The following WNT5B variants were observed in gnomAD, a reference collection of about 807,000 sequenced individuals.
WNT5B encodes protein Wnt-5b.
In WNT5B, 18 loss-of-function variants were observed where a neutral mutation model predicts 36.5. The ratio of observed to expected loss-of-function variants is 0.49; its 90% CI spans 0.34 to 0.73. The LOEUF (loss-of-function observed/expected upper bound fraction) is 0.73. WNT5B is among the 30% of genes least tolerant of loss of function. The probability of loss-of-function intolerance (pLI) is 0.01; values close to 1 mark genes in which losing one functional copy is unlikely to be tolerated. For missense variants in WNT5B, 424 were observed against 508.4 expected, an observed-to-expected ratio of 0.83 and a Z score of 1.60; for synonymous variants, 213 against 212.3, an observed-to-expected ratio of 1.00 and a Z score of -0.03.
chr12:1,640,019 GGGGCTGTTCCC>G (rs1565611501), intron 4 of WNT5B, 43 bp downstream of exon 4: 1 of 1,570,248 alleles, frequency 6.4e-7, no homozygotes, highest in Non-Finnish European at 8.6e-7. Context: ...GCAGACCTAG[GGGGCTGTTCCC>G]GGGCTGTGCC....
In WNT5B at chr12:1,632,991, G is replaced by T; in HGVS notation, c.328+86G>T. The T allele has an allele frequency of 6.6e-7, 1 of 1,520,382 alleles. No individual in the cohort carries two copies. Among genetic ancestry groups the T allele is most frequent in the East Asian group, 2.3e-5 (1 of 43,942 alleles). 94.2% of individuals were successfully genotyped at this position (1,520,382 alleles called of 1,614,324 possible). ...TTAAGCTCTCTCAGGACTGGCACAG[G>T]GAGAGCCCAAAGGCAGCCTAAGTGG... On this transcript the variant is annotated intron_variant, in intron 3 of 4. Coordinates refer to ENST00000397196, the MANE Select transcript of WNT5B (RefSeq NM_032642.3). This position sits in a 1 kb window ranked among gnomAD's most constrained non-coding sequence, Gnocchi z 5.8.
At chr12:1,619,137 C>T (rs537557640) in intron 1 of WNT5B, among the ~76,000 whole-genome samples, 11 of 150,572 alleles carry the variant, frequency 7.3e-5, no homozygotes, top group East Asian at 1.9e-4. Flanking sequence ...CAGCCCCTCC[C>T]CACCCCTAAG....
upstream of WNT5B, among the ~76,000 whole-genome samples, chr12:1,624,348 T>A (rs1471963153): frequency 7.0e-6 from 1 of 141,880 alleles, no homozygotes; most frequent in African/African-American, 2.7e-5. Flanking sequence ...TCATGCCACT[T>A]GCCTAGGCAA....
intron 1 of WNT5B, among the ~76,000 whole-genome samples, chr12:1,617,978 A>G (rs2094529171): frequency 6.6e-6 from 1 of 152,126 alleles, no homozygotes; most frequent in African/African-American, 2.4e-5. Context: ...CATCTCCACA[A>G]AAGAATTTAA....
At position 1,646,257 on chromosome 12, in the gene WNT5B, G is replaced by A; in HGVS notation, c.*5G>A. On this transcript the variant is annotated 3_prime_UTR_variant, in exon 5 of 5. Transcript: ENST00000397196. ...GACCAGTACATCTGTAAATAGCCCG[G>A]AGGGCCTGCTCCCGGCCCCCCTGCA... 6.2e-7 allele frequency: 1 copy of A among 1,603,200 alleles called. No homozygotes were observed.
Position 1,639,686 on chromosome 12 carries a change from A to C in WNT5B, c.331A>C (p.Ser111Arg). 1 of 1,551,840 alleles carries C rather than the reference A, an allele frequency of 6.4e-7. No individual in the cohort carries two copies. ...SVFGRVMQIG[S>R]RETAFTHAVS... ...ACCGCCCTGGCCTCATTCTGCAGGCAGCCGAGAGACCGCCTTCACCCACGC... is the reference window on the plus strand; with the variant it reads ...ACCGCCCTGGCCTCATTCTGCAGGCCGCCGAGAGACCGCCTTCACCCACGC... Residue 111 changes from serine to arginine, a missense_variant and splice_region_variant, in exon 4 of 5, where the codon AGC (serine) becomes CGC (arginine). Coordinates refer to ENST00000397196, the MANE Select transcript of WNT5B (RefSeq NM_032642.3).
chr12:1,631,474 G>A, intron 2 of WNT5B, 40 bp downstream of exon 2: 1 of 1,613,374 alleles, frequency 6.2e-7, no homozygotes, highest in South Asian at 1.1e-5. Flanking sequence ...CACAGCCGGA[G>A]GCCTCCTTCA....
chr12:1,632,881 G>A lies in WNT5B; in HGVS notation c.304G>A (p.Val102Ile). ...WNCSTADNASVFGRVMQIGSR... is the reference protein window; with the variant it reads ...WNCSTADNASIFGRVMQIGSR... ...TTGCAGCACAGCGGACAACGCATCT[G>A]TCTTTGGGAGAGTCATGCAGATAGG... Residue 102 changes from valine (V) to isoleucine (I), a missense_variant, in exon 3 of 5, where the codon GTC becomes ATC. Val to Ile is a conservative substitution (Grantham distance 29, BLOSUM62 3). Coordinates refer to ENST00000397196, the MANE Select transcript of WNT5B (RefSeq NM_032642.3). This position sits in a 1 kb window ranked among gnomAD's most constrained non-coding sequence, Gnocchi z 5.8. The A allele has an allele frequency of 1.2e-6, 2 of 1,612,046 alleles. No homozygotes were observed. The highest frequency in any genetic ancestry group is 1.7e-6 in the Non-Finnish European group (2 of 1,178,256).
chr12:1,636,163 A>G (rs1212967957), intron 3 of WNT5B, among the ~76,000 whole-genome samples: 10 of 152,054 alleles, frequency 6.6e-5, no homozygotes, highest in Admixed American at 3.3e-4. Context: ...GTTATTTCTT[A>G]TAACAGCTTT....
chr12:1,619,830 A>G (rs11609521), intron 1 of WNT5B, among the ~76,000 whole-genome samples: 37,272 of 152,050 alleles, frequency 0.25, 4,987 homozygotes, highest in Non-Finnish European at 0.31. Context: ...CCCTCCCACC[A>G]GCCCCACCTG....
upstream of WNT5B, among the ~76,000 whole-genome samples, chr12:1,627,947 G>A (rs763080943): frequency 6.6e-6 from 1 of 152,132 alleles, no homozygotes; most frequent in Non-Finnish European, 1.5e-5. This position sits in a 1 kb window ranked among gnomAD's most constrained non-coding sequence, Gnocchi z 5.0. Context: ...GGCACTTAGA[G>A]CAGTAACTGG....
intron 1 of WNT5B, among the ~76,000 whole-genome samples, chr12:1,617,774 G>T (rs1173361278): frequency 6.6e-6 from 1 of 152,180 alleles, no homozygotes; most frequent in Non-Finnish European, 1.5e-5. Context: ...GGGGATTTGG[G>T]AAAGTTAGAG....
chr12:1,622,428 C>A (rs2094535251), intron 1 of WNT5B, among the ~76,000 whole-genome samples: 1 of 152,194 alleles, frequency 6.6e-6, no homozygotes, highest in Admixed American at 6.5e-5. Flanking sequence ...AGCCTTTACT[C>A]TTAGAAGCTG....
intron 1 of WNT5B, among the ~76,000 whole-genome samples, chr12:1,620,863 C>G (rs2094532905): frequency 6.6e-6 from 1 of 151,282 alleles, no homozygotes; most frequent in African/African-American, 2.4e-5. Context: ...GCCACCACCC[C>G]TGGCTAATTT....
At chr12:1,639,648 A>G in intron 3 of WNT5B, 36 bp from the exon 4 acceptor site, 1 of 1,462,840 alleles carries the variant, frequency 6.8e-7, no homozygotes, top group Non-Finnish European at 9.0e-7. Flanking sequence ...GGGAGAGGAG[A>G]GCGCACCCGC....
At chr12:1,631,014 C>T (rs1331915742) in intron 1 of WNT5B, 3 of 187,432 alleles carry the variant, frequency 1.6e-5, no homozygotes, top group African/African-American at 7.0e-5. Context: ...CCGCAAGCTC[C>T]GCTCTTGAAA....
intron 2 of WNT5B, 130 bp downstream of exon 2, chr12:1,631,564 C>T (rs2094550912): frequency 1.4e-6 from 2 of 1,418,130 alleles, no homozygotes; most frequent in African/African-American, 1.4e-5. Flanking sequence ...CTCTTTTATC[C>T]CAGGAAAACT....
chr12:1,646,132 G>A lies in WNT5B; in HGVS notation c.960G>A (p.Gly320=). The change falls in exon 5 of 5, where the codon GGG becomes GGA. Residue 320 remains glycine, a synonymous_variant. Coordinates refer to ENST00000397196, the MANE Select transcript of WNT5B (RefSeq NM_032642.3). Reference sequence around the variant, plus strand: ...ATGGCTGTGAGCTCATGTGCTGCGGGCGTGGCTACAACCAGTTCAAGAGCG... The same window carrying A: ...ATGGCTGTGAGCTCATGTGCTGCGGACGTGGCTACAACCAGTTCAAGAGCG... The part of the protein sequence containing the change: ...GMDGCELMCC[G]RGYNQFKSVQ... 6.2e-7 allele frequency: 1 copy of A among 1,613,964 alleles called. No homozygotes were observed. The highest frequency in any genetic ancestry group is 2.2e-5 in the East Asian group (1 of 44,888).
chr12:1,623,900 T>C (rs1042624977), intron 1 of WNT5B, among the ~76,000 whole-genome samples: 8 of 152,166 alleles, frequency 5.3e-5, no homozygotes, highest in African/African-American at 1.9e-4. Context: ...AACCCACATA[T>C]CATTTTGGCT....
Sources: gnomAD v4.1 joint callset for allele counts (sites outside exome capture counted in the v4.1 genomes callset) on GRCh38, gnomAD v4.1.1 for gene constraint, Gnocchi (gnomAD v3.1) non-coding constraint, MANE v1.5 for transcripts, NCBI Gene and HGNC (gene_info 2026-07-23, HGNC 2026-07-21) for gene names.